MAGT1: variants seen among roughly 807,000 people sequenced by gnomAD.
MAGT1 encodes the protein dolichyl-diphosphooligosaccharide--protein glycosyltransferase subunit MAGT1.
MAGT1 carries 4 observed loss-of-function variants against 28.4 expected under a neutral mutation model. The observed-to-expected ratio is 0.14, with a 90% CI of 0.07 to 0.32. The LOEUF is 0.32. MAGT1 is among the 10% of genes least tolerant of loss of function. MAGT1 has a pLI of 1.00. For missense variants in MAGT1, 193 were observed against 264.5 expected (o/e 0.73, Z 1.88); for synonymous variants, 89 against 89.7 (o/e 0.99, Z 0.04).
At chrX:77,832,146 C>G in intron 8 of MAGT1, among the ~76,000 whole-genome samples, 1 of 111,992 alleles carries the variant, frequency 8.9e-6, no homozygotes, top group Non-Finnish European at 1.9e-5. Context: ...TACATTAGCA[C>G]AGCAGTTATT....
intron 1 of MAGT1, among the ~76,000 whole-genome samples, chrX:77,881,939 C>T (rs2077053899): frequency 9.0e-6 from 1 of 111,624 alleles, no homozygotes; most frequent in Admixed American, 9.7e-5. Context: ...CATCAAAAAG[C>T]TTATCCACCA....
intron 1 of MAGT1, among the ~76,000 whole-genome samples, chrX:77,893,754 G>C (rs1484965527): frequency 9.0e-6 from 1 of 111,353 alleles, no homozygotes; most frequent in Non-Finnish European, 1.9e-5. Context: ...AAGTAGCCAG[G>C]GATATTGTGG....
In MAGT1 at chrX:77,876,004, TA is replaced by T. The variant is rs1399297968; in HGVS notation, c.103-408del. ...TTCCACCATGCTCAGCTGATTTTTG[TA>T]TTTTTTGTAGAGATGGGGCTTCTCC... On this transcript the variant is annotated intron_variant, in intron 1 of 9. Coordinates refer to ENST00000618282, the MANE Select transcript of MAGT1 (RefSeq NM_001367916.1). 3.8e-5 allele frequency among the ~76,000 whole-genome samples: 4 copies of T among 105,509 alleles called. No individual in the cohort carries two copies. In the Admixed American group the frequency reaches 4.2e-4, roughly 11 times the overall value. 91.6% of individuals were successfully genotyped at this position (105,509 alleles called of 115,157 possible). A position where few individuals can be genotyped will look rare whatever the true frequency, so the allele number is the denominator to read the frequency against.
intron 1 of MAGT1, among the ~76,000 whole-genome samples, chrX:77,879,031 C>T (rs1411813082): frequency 9.1e-6 from 1 of 109,755 alleles, no homozygotes; most frequent in Non-Finnish European, 1.9e-5. Flanking sequence ...ATTTATCATT[C>T]CCCTCATCTT....
At chrX:77,875,934 G>A (rs2077032231) in intron 1 of MAGT1, among the ~76,000 whole-genome samples, 1 of 107,985 alleles carries the variant, frequency 9.3e-6, no homozygotes, top group East Asian at 2.9e-4. Flanking sequence ...TGGCCTCAAG[G>A]GATCCTCCCA....
intron 1 of MAGT1, among the ~76,000 whole-genome samples, chrX:77,887,497 G>C (rs1247755911): frequency 7.2e-5 from 8 of 111,405 alleles, no homozygotes; most frequent in Non-Finnish European, 1.5e-4. Flanking sequence ...TCTTTGTCAA[G>C]AGCCCATTAT....
At chrX:77,864,389 A>T (rs1324036138) in intron 3 of MAGT1, among the ~76,000 whole-genome samples, 1 of 111,324 alleles carries the variant, frequency 9.0e-6, no homozygotes, top group South Asian at 3.7e-4. Context: ...ATAATTAACA[A>T]AAATGTATTA....
At chrX:77,834,321 CAT>C (rs782241736) in intron 8 of MAGT1, among the ~76,000 whole-genome samples, 46 of 98,096 alleles carry the variant, frequency 4.7e-4, no homozygotes, top group Non-Finnish European at 7.7e-4. Context: ...TATATATATG[CAT>C]ATATATATAC....
intron 3 of MAGT1, among the ~76,000 whole-genome samples, chrX:77,863,725 A>C (rs979207883): frequency 9.0e-6 from 1 of 111,708 alleles, no homozygotes; most frequent in African/African-American, 3.2e-5. Context: ...GATCAAGAAA[A>C]TGTGGTATTA....
At chrX:77,837,670 T>A (rs2076923257) in intron 8 of MAGT1, among the ~76,000 whole-genome samples, 1 of 112,351 alleles carries the variant, frequency 8.9e-6, no homozygotes, top group Admixed American at 9.6e-5. Flanking sequence ...AGTATCTTCA[T>A]CTTTTTTCTA....
chrX:77,829,031 C>T lies in MAGT1; in HGVS notation c.*189G>A. 2.7e-6 allele frequency: 1 copy of T among 373,866 alleles called. No homozygotes were observed. The highest frequency in any genetic ancestry group is 4.9e-5 in the South Asian group (1 of 20,491). The allele number at this position is 373,866 out of a possible 1,213,427, so 30.8% of individuals were successfully genotyped here. The stretch of plus-strand genomic sequence containing the variant: ...TAAGAGGATAATTATTTTCAAATAC[C>T]TCAGATTTTGACAGAGGATTGCTTG... On this transcript the variant is annotated 3_prime_UTR_variant, in exon 10 of 10. Coordinates refer to ENST00000618282, the MANE Select transcript of MAGT1 (RefSeq NM_001367916.1).
intron 1 of MAGT1, among the ~76,000 whole-genome samples, chrX:77,886,061 G>T (rs781990989): frequency 2.0e-4 from 22 of 111,387 alleles, no homozygotes; most frequent in African/African-American, 7.2e-4. Context: ...GGCCCCAATA[G>T]ACACTCCTCC....
intron 3 of MAGT1, among the ~76,000 whole-genome samples, chrX:77,869,074 C>T (rs2149023042): frequency 9.0e-6 from 1 of 111,507 alleles, no homozygotes; most frequent in African/African-American, 3.2e-5. Flanking sequence ...ATCACCCAGG[C>T]TGGCAATCTC....
upstream of MAGT1, chrX:77,895,567 A>G (rs1304944188): frequency 7.9e-6 from 8 of 1,007,792 alleles, no homozygotes; most frequent in South Asian, 2.4e-5. Context: ...CTGGCGCTAC[A>G]CGCCCGCTAA....
intron 3 of MAGT1, among the ~76,000 whole-genome samples, chrX:77,865,321 G>A (rs1324216711): frequency 5.4e-5 from 6 of 110,142 alleles, no homozygotes; most frequent in East Asian, 2.8e-4. Flanking sequence ...ATGGAGTCTC[G>A]CTCTGTCGCC....
chrX:77,840,912 C>G (rs2076933049), intron 8 of MAGT1, among the ~76,000 whole-genome samples: 1 of 111,788 alleles, frequency 8.9e-6, no homozygotes, highest in Non-Finnish European at 1.9e-5. Flanking sequence ...AGTTATTTAA[C>G]TCCAGTTTAA....
intron 3 of MAGT1, among the ~76,000 whole-genome samples, chrX:77,859,910 G>T (rs1344832366): frequency 1.8e-5 from 2 of 110,864 alleles, no homozygotes; most frequent in African/African-American, 6.6e-5. Flanking sequence ...TTCCAAAGTG[G>T]CTGTGCCAAA....
chrX:77,868,814 CTT>C (rs2077013637), intron 3 of MAGT1, among the ~76,000 whole-genome samples: 1 of 111,550 alleles, frequency 9.0e-6, no homozygotes, highest in Non-Finnish European at 1.9e-5. Flanking sequence ...GAGCGGGACT[CTT>C]GTCTCAAAAA....
At position 77,835,955 on chromosome X, in the gene MAGT1, C is replaced by T. The variant is rs531407761; in HGVS notation, c.902-5060G>A. ...AGTAGCTGGGATTACAGGTGTGCACCACTACGCCCAGCTAATTTTTGTATT... is the reference window on the plus strand; with the variant it reads ...AGTAGCTGGGATTACAGGTGTGCACTACTACGCCCAGCTAATTTTTGTATT... On this transcript the variant is annotated intron_variant, in intron 8 of 9. Coordinates refer to ENST00000618282, the MANE Select transcript of MAGT1 (RefSeq NM_001367916.1). Among the ~76,000 whole-genome samples, 7 of 110,708 alleles carry T rather than the reference C, an allele frequency of 6.3e-5. No individual in the cohort carries two copies. In the Middle Eastern group the frequency reaches 0.014, roughly 220 times the overall value.
Sources: gnomAD v4.1 joint callset for allele counts (sites outside exome capture counted in the v4.1 genomes callset) on GRCh38, gnomAD v4.1.1 for gene constraint, MANE v1.5 for transcripts, NCBI Gene and HGNC (gene_info 2026-07-23, HGNC 2026-07-21) for gene names.